Variants in MACROD2 observed in about 807,000 individuals in gnomAD.
MACROD2 encodes ADP-ribose glycohydrolase MACROD2.
A neutral mutation model predicts 70.4 loss-of-function variants in MACROD2; 36 were observed. The ratio of observed to expected loss-of-function variants is 0.51; its 90% confidence interval spans 0.39 to 0.68. MACROD2 has a LOEUF of 0.68. Among genes scored for constraint, MACROD2 ranks in the 30% least tolerant of loss-of-function variants. The pLI is 0.00. For missense variants in MACROD2, 496 were observed against 538.4 expected, an observed-to-expected ratio of 0.92 and a Z score of 0.78; for synonymous variants, 172 against 178.8, an observed-to-expected ratio of 0.96 and a Z score of 0.30.
chr20:15,352,424 A>G (rs1263599000), intron 6 of MACROD2, among the ~76,000 whole-genome samples: 1 of 152,214 alleles, frequency 6.6e-6, no homozygotes, highest in African/African-American at 2.4e-5. Context: ...TCAAATTGCT[A>G]AAACACGTAT....
intron 3 of MACROD2, among the ~76,000 whole-genome samples, chr20:14,118,462 G>A (rs1252221389): frequency 1.3e-5 from 2 of 152,146 alleles, no homozygotes; most frequent in East Asian, 1.9e-4. Flanking sequence ...GGAGAAATAC[G>A]AATTCTCCTT....
chr20:14,575,352 A>G (rs1980524935), intron 4 of MACROD2, among the ~76,000 whole-genome samples: 1 of 152,172 alleles, frequency 6.6e-6, no homozygotes, highest in Non-Finnish European at 1.5e-5. Flanking sequence ...TTGGATTCTT[A>G]TATCTGTTTC....
At chr20:14,953,189 G>A (rs534070458) in intron 5 of MACROD2, among the ~76,000 whole-genome samples, 3 of 152,184 alleles carry the variant, frequency 2.0e-5, no homozygotes, top group African/African-American at 7.2e-5. Context: ...AATGTATTGG[G>A]TTCAAAGGCC....
intron 5 of MACROD2, among the ~76,000 whole-genome samples, chr20:14,703,734 C>CT (rs201959504): frequency 1.0e-4 from 15 of 150,062 alleles, no homozygotes; most frequent in South Asian, 2.1e-4. Context: ...AATTTAATTA[C>CT]TTTTTTTTTT....
intron 5 of MACROD2, among the ~76,000 whole-genome samples, chr20:14,718,901 C>T (rs4814319): frequency 0.42 from 64,085 of 151,990 alleles, 14,511 homozygotes; most frequent in Non-Finnish European, 0.51. Flanking sequence ...GAAAAGGCAG[C>T]CTCCTGTATA....
At chr20:14,601,995 ACG>A (rs1982528596) in intron 4 of MACROD2, among the ~76,000 whole-genome samples, 1 of 152,156 alleles carries the variant, frequency 6.6e-6, no homozygotes, top group Non-Finnish European at 1.5e-5. Flanking sequence ...CTCCTCCTTG[ACG>A]CTCAAAGCTT....
At chr20:15,397,321 A>T (rs899417006) in intron 6 of MACROD2, among the ~76,000 whole-genome samples, 4 of 151,846 alleles carry the variant, frequency 2.6e-5, no homozygotes, top group African/African-American at 9.7e-5. Context: ...TTGAGATAAG[A>T]GTCTCACTCT....
At chr20:14,364,205 C>T (rs6131573) in intron 3 of MACROD2, among the ~76,000 whole-genome samples, 1 of 152,172 alleles carries the variant, frequency 6.6e-6, no homozygotes, top group East Asian at 1.9e-4. Context: ...TAGGGACCAC[C>T]TTAATCCAAA....
intron 5 of MACROD2, among the ~76,000 whole-genome samples, chr20:14,841,036 T>A (rs1427823287): frequency 1.3e-5 from 2 of 152,162 alleles, no homozygotes; most frequent in African/African-American, 4.8e-5. Context: ...AGAATAACTC[T>A]AAGAGTGTAA....
intron 8 of MACROD2, among the ~76,000 whole-genome samples, chr20:15,771,662 A>G (rs1425703931): frequency 6.6e-6 from 1 of 152,070 alleles, no homozygotes; most frequent in Non-Finnish European, 1.5e-5. Context: ...TATGTAATAT[A>G]TATGTCTGGG....
At chr20:15,978,611 T>G (rs1568682352) in intron 13 of MACROD2, among the ~76,000 whole-genome samples, 1 of 144,856 alleles carries the variant, frequency 6.9e-6, no homozygotes, top group African/African-American at 2.5e-5. Context: ...TCTCTCTCTC[T>G]CTCTCGTTCT....
At chr20:14,585,789 G>T (rs1452290095) in intron 4 of MACROD2, among the ~76,000 whole-genome samples, 1 of 152,066 alleles carries the variant, frequency 6.6e-6, no homozygotes, top group Non-Finnish European at 1.5e-5. Flanking sequence ...CAGGATCTTG[G>T]TAGATTAAAA....
rs1220978137 is a variant in MACROD2 at position 15,499,670 on chromosome 20, C to G, written c.572-104C>G. ...CTGAGGCCTGTACTTATTGGTTGAACTGAATGTTGTTTAAATGAGAAAACT... is the reference window on the plus strand; with the variant it reads ...CTGAGGCCTGTACTTATTGGTTGAAGTGAATGTTGTTTAAATGAGAAAACT... On this transcript the variant is annotated intron_variant, in intron 7 of 17. Coordinates refer to ENST00000684519, the MANE Select transcript of MACROD2 (RefSeq NM_001351661.2). 6.1e-6 allele frequency: 6 copies of G among 989,152 alleles called. No homozygotes were observed. In the Admixed American group the frequency reaches 1.1e-4, roughly 19 times the overall value. 61.3% of individuals were successfully genotyped at this position (989,152 alleles called of 1,614,324 possible). A position where few individuals can be genotyped will look rare whatever the true frequency, so the allele number is the denominator to read the frequency against.
chr20:15,480,886 A>G (rs533244491), intron 7 of MACROD2, among the ~76,000 whole-genome samples: 9 of 152,098 alleles, frequency 5.9e-5, no homozygotes, highest in Non-Finnish European at 1.3e-4. Context: ...GGCTATGGTT[A>G]CATTATTCCC....
chr20:14,076,695 C>A (rs950416416), intron 2 of MACROD2, among the ~76,000 whole-genome samples: 2 of 151,728 alleles, frequency 1.3e-5, no homozygotes, highest in African/African-American at 4.8e-5. Flanking sequence ...TTCCACCCCC[C>A]AAAGAAGTAC....
chr20:15,870,348 C>T (rs898081142), intron 9 of MACROD2, among the ~76,000 whole-genome samples: 1 of 151,944 alleles, frequency 6.6e-6, no homozygotes, highest in African/African-American at 2.4e-5. Context: ...ATTGCCCTTT[C>T]AGAATCTGGA....
intron 3 of MACROD2, among the ~76,000 whole-genome samples, chr20:14,246,740 G>C (rs2081971023): frequency 6.6e-6 from 1 of 152,110 alleles, no homozygotes; most frequent in Non-Finnish European, 1.5e-5. Context: ...TTCAGACCCA[G>C]TTTAACCCTT....
At chr20:15,741,153 G>A (rs958174628) in intron 8 of MACROD2, among the ~76,000 whole-genome samples, 4 of 148,314 alleles carry the variant, frequency 2.7e-5, no homozygotes, top group Non-Finnish European at 3.0e-5. Flanking sequence ...GTGCAGTGGC[G>A]CAATCTCGGC....
chr20:15,193,599 A>G (rs570591080), intron 5 of MACROD2, among the ~76,000 whole-genome samples: 90 of 152,232 alleles, frequency 5.9e-4, no homozygotes, highest in South Asian at 1.7e-3. Context: ...AGTGAGCCCT[A>G]TCACTGCACT....
Sources: gnomAD v4.1 joint callset for allele counts (sites outside exome capture counted in the v4.1 genomes callset) on GRCh38, gnomAD v4.1.1 for gene constraint, MANE v1.5 for transcripts, NCBI Gene and HGNC (gene_info 2026-07-23, HGNC 2026-07-21) for gene names.